The following ZDHHC18 variants were observed in gnomAD, a reference collection of about 807,000 sequenced individuals.
ZDHHC18 encodes the protein palmitoyltransferase ZDHHC18.
Under a neutral mutation model 37.5 loss-of-function variants are expected in ZDHHC18, and 23 were observed. The observed-to-expected ratio is 0.61, with a 90% CI of 0.44 to 0.87. The LOEUF (loss-of-function observed/expected upper bound fraction) is 0.87. ZDHHC18 is among the 40% of genes least tolerant of loss of function. The probability of loss-of-function intolerance (pLI) is 0.00; values close to 1 mark genes in which losing one functional copy is unlikely to be tolerated. For synonymous variants in ZDHHC18, 185 were observed against 218.7 expected (o/e 0.85, Z 1.36); for missense variants, 406 against 525.6 (o/e 0.77, Z 2.22).
chr1:26,828,511 G>C (rs2081569687), intron 1 of ZDHHC18, among the ~76,000 whole-genome samples: 1 of 151,948 alleles, frequency 6.6e-6, no homozygotes, highest in South Asian at 2.1e-4. Context: ...ATTAGTACTT[G>C]TGTTGTCTTT....
Position 26,850,700 on chromosome 1 carries a change from C to G in ZDHHC18, c.833+94C>G. On this transcript the variant is annotated intron_variant, in intron 5 of 7. Transcript: ENST00000374142. This position sits in a 1 kb window ranked among gnomAD's most constrained non-coding sequence, Gnocchi z 6.1. Reference sequence around the variant, plus strand: ...TCATCCTCTAATCAGAAGGGAACAGCGTACAGCTCACATGTGTCCTCCAGA... The same window carrying G: ...TCATCCTCTAATCAGAAGGGAACAGGGTACAGCTCACATGTGTCCTCCAGA... 1 of 1,393,550 alleles carries G rather than the reference C, an allele frequency of 7.2e-7. No homozygotes were observed. Among genetic ancestry groups the G allele is most frequent in the South Asian group, 1.2e-5 (1 of 83,134 alleles). 86.3% of individuals were successfully genotyped at this position (1,393,550 alleles called of 1,614,324 possible).
At chr1:26,846,985 T>TTCA (rs2081671746) in intron 2 of ZDHHC18, among the ~76,000 whole-genome samples, 1 of 151,660 alleles carries the variant, frequency 6.6e-6, no homozygotes. Context: ...AAGCTCCGCC[T>TTCA]CCCGGGTTCA....
In ZDHHC18 at chr1:26,850,292, C is replaced by G; in HGVS notation, c.647-9C>G. 1 of 1,613,994 alleles carries G rather than the reference C, an allele frequency of 6.2e-7. No individual in the cohort carries two copies. The highest frequency in any genetic ancestry group is 8.5e-7 in the Non-Finnish European group (1 of 1,179,940). On this transcript the variant is annotated splice_polypyrimidine_tract_variant and intron_variant, in intron 3 of 7. Coordinates refer to ENST00000374142, the MANE Select transcript of ZDHHC18 (RefSeq NM_032283.3). The surrounding 1 kb of genome is among the most constrained non-coding windows in gnomAD (Gnocchi z 6.1). ...CCACACTAACCCATCGCCCCTTGCC[C>G]TTGTCCAGAACGATTTGACCATCAC... is the stretch of plus-strand genomic sequence containing the variant.
At chr1:26,830,606 A>G (rs940381580) in intron 1 of ZDHHC18, among the ~76,000 whole-genome samples, 24 of 152,162 alleles carry the variant, frequency 1.6e-4, no homozygotes, top group Non-Finnish European at 5.9e-5. Flanking sequence ...TGTCTGGCAC[A>G]TAGTAAGCCT....
At chr1:26,830,616 T>G (rs1557639641) in intron 1 of ZDHHC18, among the ~76,000 whole-genome samples, 1 of 152,180 alleles carries the variant, frequency 6.6e-6, no homozygotes, top group Non-Finnish European at 1.5e-5. Context: ...ATAGTAAGCC[T>G]TCAAAAGATG....
chr1:26,839,726 G>T (rs2081629016), intron 2 of ZDHHC18, among the ~76,000 whole-genome samples: 1 of 152,212 alleles, frequency 6.6e-6, no homozygotes. Flanking sequence ...AAACTGAAGA[G>T]ACTTGAGTCT....
intron 2 of ZDHHC18, among the ~76,000 whole-genome samples, chr1:26,839,582 T>G (rs2081628363): frequency 6.6e-6 from 1 of 152,086 alleles, no homozygotes; most frequent in Non-Finnish European, 1.5e-5. Context: ...AGCCCCACCT[T>G]CTATTATTGG....
At position 26,855,010 on chromosome 1, in the gene ZDHHC18, G is replaced by C. The variant is rs2081726515; in HGVS notation, c.*1167G>C. 1 of 152,254 alleles carries C rather than the reference G, an allele frequency of 6.6e-6. No homozygotes were observed. Among genetic ancestry groups the C allele is most frequent in the Non-Finnish European group, 1.5e-5 (1 of 68,088 alleles). The allele number at this position is 152,254 out of a possible 1,614,324, so 9.4% of individuals were successfully genotyped here. Reference sequence around the variant, plus strand: ...GAGAAAACCCTGGGCTCCCACTGGGGCTCAGCCCAGCCTCCTATCTTTCCT... The same window carrying C: ...GAGAAAACCCTGGGCTCCCACTGGGCCTCAGCCCAGCCTCCTATCTTTCCT... On this transcript the variant is annotated 3_prime_UTR_variant, in exon 8 of 8. Transcript: ENST00000374142.
At chr1:26,853,679 C>T (rs1377411728) in intron 7 of ZDHHC18, 47 bp from the exon 8 acceptor site, 2 of 1,572,034 alleles carry the variant, frequency 1.3e-6, no homozygotes, top group Non-Finnish European at 1.8e-6. Context: ...GGCCTAGAGC[C>T]TCAGTGTTGG....
chr1:26,847,351 A>G (rs1013881188), intron 2 of ZDHHC18, among the ~76,000 whole-genome samples: 1 of 152,040 alleles, frequency 6.6e-6, no homozygotes, highest in Admixed American at 6.6e-5. Flanking sequence ...AGCTGGGACT[A>G]TAGTCACACG....
At position 26,857,103 on chromosome 1, in the gene ZDHHC18, A is replaced by G. The variant is rs1021295621; in HGVS notation, c.*3260A>G. On this transcript the variant is annotated 3_prime_UTR_variant, in exon 8 of 8. Transcript: ENST00000374142. ...GAGTGTAGAAAGCCATAACGCAGCC[A>G]TCAGCACAATAATGTGACTCTACGC... 4.6e-5 allele frequency: 7 copies of G among 152,594 alleles called. No homozygotes were observed. Among genetic ancestry groups the G allele is most frequent in the Middle Eastern group, 6.8e-3 (2 of 296 alleles). The allele number at this position is 152,594 out of a possible 1,614,324, so 9.5% of individuals were successfully genotyped here. A position where few individuals can be genotyped will look rare whatever the true frequency, so the allele number is the denominator to read the frequency against.
chr1:26,832,631 A>G (rs1221000275), intron 2 of ZDHHC18, 24 bp downstream of exon 2: 2 of 1,611,566 alleles, frequency 1.2e-6, no homozygotes, highest in African/African-American at 2.7e-5. Context: ...TCCCAGCTGA[A>G]GCTGGGTCTC....
At chr1:26,842,797 T>C (rs2081645376) in intron 2 of ZDHHC18, among the ~76,000 whole-genome samples, 1 of 152,278 alleles carries the variant, frequency 6.6e-6, no homozygotes, top group African/African-American at 2.4e-5. Context: ...CACTGATATA[T>C]GCCAAGTGCC....
intron 2 of ZDHHC18, among the ~76,000 whole-genome samples, chr1:26,837,287 A>G (rs999752389): frequency 2.0e-5 from 3 of 147,044 alleles, no homozygotes; most frequent in African/African-American, 7.4e-5. Flanking sequence ...TAAAATATAC[A>G]TTTATATATT....
chr1:26,840,089 C>T (rs2081630631), intron 2 of ZDHHC18, among the ~76,000 whole-genome samples: 3 of 152,182 alleles, frequency 2.0e-5, no homozygotes, highest in Admixed American at 2.0e-4. Context: ...AGAAAGAAGC[C>T]TGGCTGCTGG....
At chr1:26,827,791 C>T (rs1349427915) in intron 1 of ZDHHC18, among the ~76,000 whole-genome samples, 1 of 152,158 alleles carries the variant, frequency 6.6e-6, no homozygotes, top group African/African-American at 2.4e-5. Flanking sequence ...TTGGGCCTCT[C>T]GGGCCCCCTT....
At chr1:26,852,966 C>T in intron 7 of ZDHHC18, 101 bp downstream of exon 7, 3 of 952,190 alleles carry the variant, frequency 3.2e-6, no homozygotes, top group Non-Finnish European at 4.8e-6. Flanking sequence ...CCCTAGATGC[C>T]CTCCGTCCAC....
intron 2 of ZDHHC18, among the ~76,000 whole-genome samples, chr1:26,839,547 C>G (rs988480390): frequency 1.3e-5 from 2 of 152,114 alleles, no homozygotes; most frequent in Non-Finnish European, 2.9e-5. Flanking sequence ...AAATGAGTGC[C>G]CTGGAAGACA....
At chr1:26,833,278 T>C (rs1374004908) in intron 2 of ZDHHC18, among the ~76,000 whole-genome samples, 6 of 151,950 alleles carry the variant, frequency 3.9e-5, no homozygotes, top group Non-Finnish European at 7.4e-5. Context: ...AGGGAGGGTG[T>C]GTGATTTTAC....
Sources: allele counts gnomAD v4.1 joint callset (sites outside exome capture counted in the v4.1 genomes callset), GRCh38; gene constraint gnomAD v4.1.1; non-coding constraint Gnocchi (gnomAD v3.1); transcripts MANE v1.5; gene names NCBI Gene and HGNC (gene_info 2026-07-23, HGNC 2026-07-21).